Variants in ABHD12B observed in about 807,000 individuals in gnomAD.
ABHD12B encodes abhydrolase domain containing 12B.
ABHD12B carries 42 observed loss-of-function variants against 50.4 expected under a neutral mutation model. The observed-to-expected ratio is 0.83, with a 90% CI of 0.65 to 1.08. ABHD12B has a LOEUF of 1.08. ABHD12B is among the 50% of genes least tolerant of loss of function. The pLI, the probability that ABHD12B is intolerant of heterozygous loss-of-function variation, is 0.00. For synonymous variants in ABHD12B, 167 were observed against 160.3 expected (o/e 1.04, Z -0.32); for missense variants, 479 against 447.7 (o/e 1.07, Z -0.63).
In ABHD12B at chr14:50,872,246, C is replaced by A; in HGVS notation, c.72C>A (p.Ala24=). ...PPGPPARSCV[A]AWWDMVDRNL... Reference sequence around the variant, plus strand: ...GGCCCCCAGCCCGTAGCTGCGTGGCCGCCTGGTGGGACATGGTCGACCGCA... The same window carrying A: ...GGCCCCCAGCCCGTAGCTGCGTGGCAGCCTGGTGGGACATGGTCGACCGCA... The change falls in exon 1 of 13, where the codon GCC becomes GCA. Residue 24 remains alanine, a synonymous_variant. Coordinates refer to ENST00000337334, the MANE Select transcript of ABHD12B (RefSeq NM_001206673.2). The A allele has an allele frequency of 7.2e-7, 1 of 1,393,136 alleles. No individual in the cohort carries two copies. The highest frequency in any genetic ancestry group is 9.3e-7 in the Non-Finnish European group (1 of 1,070,770). 86.3% of individuals were successfully genotyped at this position (1,393,136 alleles called of 1,614,324 possible). A position where few individuals can be genotyped will look rare whatever the true frequency, so the allele number is the denominator to read the frequency against.
At chr14:50,881,653 C>G (rs371987623) in intron 5 of ABHD12B, 27 bp downstream of exon 5, 10 of 1,611,944 alleles carry the variant, frequency 6.2e-6, no homozygotes, top group Non-Finnish European at 7.6e-6. Flanking sequence ...CTCAAAGCAC[C>G]CATTTCATAA....
chr14:50,892,416 G>A (rs951027363), intron 9 of ABHD12B: 7 of 985,302 alleles, frequency 7.1e-6, no homozygotes, highest in Admixed American at 1.2e-4. Flanking sequence ...TGATTCAGGC[G>A]GGGTGCTAAG....
At chr14:50,885,280 T>TA (rs1257909772) in intron 5 of ABHD12B, among the ~76,000 whole-genome samples, 4 of 152,216 alleles carry the variant, frequency 2.6e-5, no homozygotes, top group Non-Finnish European at 5.9e-5. Flanking sequence ...AACATACAGA[T>TA]ACCTAGAGCA....
intron 8 of ABHD12B, among the ~76,000 whole-genome samples, chr14:50,888,452 G>T (rs8009840): frequency 0.99 from 150,611 of 152,242 alleles, 74,517 homozygotes; most frequent in Middle Eastern, 1. Flanking sequence ...TCCGCCTGCC[G>T]TGGCCTCCCA....
rs148811041 is a variant in ABHD12B at position 50,885,777 on chromosome 14, T to C, written c.544T>C (p.Ser182Pro). ...TTTCTTGCTGCCAGGATTTGGGGAC[T>C]CTACAGGTAAGCCCACAGAGGAGGG... ...LSVDYRGFGD[S>P]TGKPTEEGLT... is the part of the protein sequence containing the mutation. Residue 182 changes from serine to proline, a missense_variant, in exon 7 of 13, where the codon TCT (serine) becomes CCT (proline). Coordinates refer to ENST00000337334, the MANE Select transcript of ABHD12B (RefSeq NM_001206673.2). The C allele has an allele frequency of 5.6e-6, 9 of 1,614,086 alleles. No individual in the cohort carries two copies. Among genetic ancestry groups the C allele is most frequent in the Non-Finnish European group, 7.6e-6 (9 of 1,180,048 alleles).
chr14:50,880,717 T>A (rs892380618), intron 4 of ABHD12B, 146 bp downstream of exon 4: 9 of 961,046 alleles, frequency 9.4e-6, no homozygotes, highest in East Asian at 5.9e-5. Context: ...GAGGGTGTTC[T>A]GGCAATAAGC....
At chr14:50,899,610 G>A (rs940270862) in intron 9 of ABHD12B, among the ~76,000 whole-genome samples, 3 of 152,040 alleles carry the variant, frequency 2.0e-5, no homozygotes, top group Admixed American at 1.3e-4. Flanking sequence ...GGCACAACAC[G>A]AAAATGTATA....
intron 8 of ABHD12B, 33 bp downstream of exon 8, chr14:50,886,717 C>T: frequency 6.3e-7 from 1 of 1,582,870 alleles, no homozygotes; most frequent in Non-Finnish European, 8.6e-7. Context: ...TATAATTTCC[C>T]ATCTTCAGAT....
chr14:50,891,905 A>T (rs1423963094), intron 9 of ABHD12B: 1 of 152,168 alleles, frequency 6.6e-6, no homozygotes, highest in African/African-American at 2.4e-5. Context: ...ATCTTAATAT[A>T]CTATGGTCTT....
chr14:50,877,734 G>T (rs2049881590), intron 1 of ABHD12B, among the ~76,000 whole-genome samples: 1 of 152,102 alleles, frequency 6.6e-6, no homozygotes, highest in South Asian at 2.1e-4. Context: ...AGGCATGGTG[G>T]TGGGTGCCTG....
intron 7 of ABHD12B, 112 bp from the exon 8 acceptor site, chr14:50,886,533 CTA>C: frequency 1.1e-6 from 1 of 908,538 alleles, no homozygotes; most frequent in Non-Finnish European, 1.7e-6. Flanking sequence ...AATTTTGTGT[CTA>C]TATGCATTTT....
intron 5 of ABHD12B, 47 bp from the exon 6 acceptor site, chr14:50,885,567 T>C: frequency 6.2e-7 from 1 of 1,611,812 alleles, no homozygotes. Flanking sequence ...AAGCCTTTTC[T>C]GTTTTCATCT....
rs966005055 is a variant in ABHD12B at position 50,872,296 on chromosome 14, C to T, written c.104+18C>T. 23 of 1,278,636 alleles carry T rather than the reference C, an allele frequency of 1.8e-5. No homozygotes were observed. The highest frequency in any genetic ancestry group is 2.4e-5 in the South Asian group (1 of 40,888). The allele number at this position is 1,278,636 out of a possible 1,614,324, so 79.2% of individuals were successfully genotyped here. ...AACCTGCGGTGAGTACCGCCCGGTC[C>T]ACCCCTGGCCGGGCCCCGACGGCTC... On this transcript the variant is annotated intron_variant, in intron 1 of 12. Coordinates refer to ENST00000337334, the MANE Select transcript of ABHD12B (RefSeq NM_001206673.2).
intron 1 of ABHD12B, among the ~76,000 whole-genome samples, chr14:50,877,751 C>T (rs574951917): frequency 1.3e-5 from 2 of 151,852 alleles, no homozygotes; most frequent in Non-Finnish European, 2.9e-5. Context: ...CCTGTAATGC[C>T]AGCTACTTGG....
chr14:50,890,875 C>A (rs8021498), intron 9 of ABHD12B, among the ~76,000 whole-genome samples: 146,398 of 152,276 alleles, frequency 0.96, 70,628 homozygotes, highest in Middle Eastern at 1. Context: ...CAGCTTTAAT[C>A]ATTACAGTGC....
intron 9 of ABHD12B, among the ~76,000 whole-genome samples, chr14:50,889,533 G>A (rs956101029): frequency 1.3e-5 from 2 of 152,206 alleles, no homozygotes; most frequent in African/African-American, 4.8e-5. Flanking sequence ...AGCTACTCAG[G>A]AGGCTGAGGC....
Position 50,872,089 on chromosome 14 carries a change from G to C in ABHD12B, c.-86G>C, listed in dbSNP as rs1252932784. The C allele has an allele frequency of 3.8e-6, 4 of 1,043,836 alleles. No homozygotes were observed. Among genetic ancestry groups the C allele is most frequent in the Non-Finnish European group, 4.8e-6 (4 of 827,682 alleles). 64.7% of individuals were successfully genotyped at this position (1,043,836 alleles called of 1,614,324 possible). On this transcript the variant is annotated 5_prime_UTR_variant, in exon 1 of 13. Coordinates refer to ENST00000337334, the MANE Select transcript of ABHD12B (RefSeq NM_001206673.2). ...CCGCGCGGAGGAGGAGGGCGGGCGC[G>C]GTGCCGCCGGGGCGGGAAGGTCGCG...
At position 50,904,465 on chromosome 14, in the gene ABHD12B, G is replaced by C; in HGVS notation, c.*99G>C. ...AAATTGTACTGGGCTGGTCGGATGA[G>C]CTGAGGCCATTGACTTCTCTACAAA... On this transcript the variant is annotated 3_prime_UTR_variant, in exon 13 of 13. Coordinates refer to ENST00000337334, the MANE Select transcript of ABHD12B (RefSeq NM_001206673.2). The C allele has an allele frequency of 1.3e-6, 2 of 1,496,390 alleles. No individual in the cohort carries two copies. The highest frequency in any genetic ancestry group is 1.8e-6 in the Non-Finnish European group (2 of 1,081,976). 92.7% of individuals were successfully genotyped at this position (1,496,390 alleles called of 1,614,324 possible). A position where few individuals can be genotyped will look rare whatever the true frequency, so the allele number is the denominator to read the frequency against.
At chr14:50,884,721 T>C (rs1297732680) in intron 5 of ABHD12B, among the ~76,000 whole-genome samples, 1 of 138,790 alleles carries the variant, frequency 7.2e-6, no homozygotes, top group Non-Finnish European at 1.5e-5. Context: ...TTTTTTTTTT[T>C]TTTTTTTTTT....
Sources: allele counts gnomAD v4.1 joint callset (sites outside exome capture counted in the v4.1 genomes callset), GRCh38; gene constraint gnomAD v4.1.1; transcripts MANE v1.5; gene names NCBI Gene and HGNC (gene_info 2026-07-23, HGNC 2026-07-21).